STAC: variants seen among roughly 807,000 people sequenced by gnomAD.
STAC encodes SH3 and cysteine rich domain.
In STAC, 43 loss-of-function variants were observed where a neutral mutation model predicts 48.8. The observed-to-expected ratio is 0.88, with a 90% confidence interval of 0.69 to 1.14. STAC has a LOEUF of 1.14. STAC is among the 50% of genes most tolerant of loss of function. The pLI is 0.00. For synonymous variants in STAC, 193 were observed against 179.5 expected (o/e 1.07, Z -0.60); for missense variants, 497 against 504.0 (o/e 0.99, Z 0.13).
intron 2 of STAC, among the ~76,000 whole-genome samples, chr3:36,475,061 A>C (rs567449784): frequency 6.6e-6 from 1 of 151,734 alleles, no homozygotes; most frequent in South Asian, 2.1e-4. Flanking sequence ...ACTCTTTCAA[A>C]CTTAGTTTGA....
At chr3:36,518,461 A>G (rs1329240687) in intron 8 of STAC, among the ~76,000 whole-genome samples, 1 of 152,242 alleles carries the variant, frequency 6.6e-6, no homozygotes, top group Non-Finnish European at 1.5e-5. Flanking sequence ...AGAGAGGAAA[A>G]GAGGGAACTG....
At chr3:36,385,823 T>A (rs987607455) in intron 1 of STAC, among the ~76,000 whole-genome samples, 1 of 152,102 alleles carries the variant, frequency 6.6e-6, no homozygotes, top group African/African-American at 2.4e-5. Context: ...TAGGTAGCAA[T>A]AGTTTTCATT....
At chr3:36,522,442 G>A (rs1404616826) in intron 8 of STAC, among the ~76,000 whole-genome samples, 1 of 152,192 alleles carries the variant, frequency 6.6e-6, no homozygotes, top group Non-Finnish European at 1.5e-5. Context: ...AAAAAATATT[G>A]ATGGGGTAAG....
intron 2 of STAC, among the ~76,000 whole-genome samples, chr3:36,456,323 A>T (rs914860669): frequency 2.0e-5 from 3 of 152,190 alleles, no homozygotes; most frequent in Non-Finnish European, 4.4e-5. Flanking sequence ...GCCTGATGTT[A>T]TCCTAATATT....
chr3:36,388,562 A>C (rs1360122603), intron 1 of STAC, among the ~76,000 whole-genome samples: 1 of 152,000 alleles, frequency 6.6e-6, no homozygotes, highest in African/African-American at 2.4e-5. Context: ...CAACCCTGAG[A>C]ACAGAAAAAT....
intron 1 of STAC, among the ~76,000 whole-genome samples, chr3:36,388,358 G>C (rs1019945817): frequency 2.6e-5 from 4 of 151,182 alleles, no homozygotes; most frequent in Non-Finnish European, 5.9e-5. Flanking sequence ...ATTTCCTATT[G>C]GTTTTAAAAA....
intron 1 of STAC, among the ~76,000 whole-genome samples, chr3:36,386,232 CT>C (rs769912134): frequency 6.6e-6 from 1 of 151,960 alleles, no homozygotes; most frequent in Non-Finnish European, 1.5e-5. Flanking sequence ...GACTAATAAG[CT>C]TAGCAGTTTT....
intron 1 of STAC, among the ~76,000 whole-genome samples, chr3:36,433,425 A>C (rs561990709): frequency 7.2e-5 from 11 of 152,334 alleles, no homozygotes; most frequent in Admixed American, 4.6e-4. Context: ...CAGAGCACTT[A>C]AACAGTTGAA....
intron 10 of STAC, among the ~76,000 whole-genome samples, chr3:36,541,118 C>G (rs1699314572): frequency 1.3e-5 from 2 of 152,068 alleles, no homozygotes; most frequent in South Asian, 2.1e-4. Flanking sequence ...TGCAGCCACT[C>G]CAGGAATCCT....
chr3:36,504,563 C>A, intron 7 of STAC, 106 bp downstream of exon 7: 1 of 865,364 alleles, frequency 1.2e-6, no homozygotes, highest in South Asian at 1.5e-5. Context: ...TCCAGACCAG[C>A]ATCTTTAGAG....
At chr3:36,497,106 G>A (rs772661332) in intron 6 of STAC, among the ~76,000 whole-genome samples, 5 of 152,026 alleles carry the variant, frequency 3.3e-5, no homozygotes, top group Non-Finnish European at 7.4e-5. Context: ...AAATTTTAAG[G>A]TGTCAAAAAG....
At chr3:36,415,386 C>A (rs1700296738) in intron 1 of STAC, among the ~76,000 whole-genome samples, 1 of 152,228 alleles carries the variant, frequency 6.6e-6, no homozygotes, top group South Asian at 2.1e-4. Context: ...CCTCCCCCAG[C>A]CTCGTTGCCA....
chr3:36,528,533 T>A (rs114900185), intron 8 of STAC, among the ~76,000 whole-genome samples, 163 bp from the exon 9 acceptor site: 1 of 152,080 alleles, frequency 6.6e-6, no homozygotes, highest in Admixed American at 6.6e-5. Flanking sequence ...CAATGTGTAA[T>A]ACAGCTATTT....
intron 1 of STAC, among the ~76,000 whole-genome samples, chr3:36,423,433 A>C (rs531018429): frequency 6.6e-6 from 1 of 151,418 alleles, no homozygotes; most frequent in South Asian, 2.1e-4. Context: ...AAATAAATTA[A>C]ATCTCCCGTG....
At position 36,431,382 on chromosome 3, in the gene STAC, G is replaced by A. The variant is rs117529498; in HGVS notation, c.112-11982G>A. On this transcript the variant is annotated intron_variant, in intron 1 of 10. Transcript: ENST00000273183. Reference sequence around the variant, plus strand: ...TGCAGAGTGGGGAGTGGCCACTGCCGCCCGTGTTGGGCTTTATGGCCATGG... The same window carrying A: ...TGCAGAGTGGGGAGTGGCCACTGCCACCCGTGTTGGGCTTTATGGCCATGG... Among the ~76,000 whole-genome samples the A allele has an allele frequency of 0.018, 2,706 of 152,196 alleles. 148 individuals carry two copies. In the East Asian group the frequency reaches 0.22, roughly 12 times the overall value.
chr3:36,431,671 G>A (rs985597248), intron 1 of STAC, among the ~76,000 whole-genome samples: 1 of 152,072 alleles, frequency 6.6e-6, no homozygotes, highest in Non-Finnish European at 1.5e-5. Context: ...TGAAGAATTT[G>A]AGGAGGAAAA....
rs746240604 is a variant in STAC, at chr3:36,546,236, C to A, written c.1156C>A (p.Leu386Ile). 2 of 1,613,894 alleles carry A rather than the reference C, an allele frequency of 1.2e-6. No homozygotes were observed. The highest frequency in any genetic ancestry group is 2.2e-5 in the South Asian group (2 of 91,082). The change falls in exon 11 of 11, where the codon CTC (leucine) becomes ATC (isoleucine). Residue 386 changes from leucine to isoleucine, a missense_variant. Physicochemically the swap from Leu to Ile is conservative, Grantham distance 5. Transcript: ENST00000273183. Reference protein sequence around the residue: ...EEEQDGFIRVLSGKKKGLIPL... With the variant: ...EEEQDGFIRVISGKKKGLIPL... ...AGAACAAGATGGTTTTATCAGAGTC[C>A]TCAGTGGAAAAAAGAAAGGCCTCAT...
At chr3:36,442,116 GCAT>G in intron 1 of STAC, among the ~76,000 whole-genome samples, 1 of 152,172 alleles carries the variant, frequency 6.6e-6, no homozygotes, top group Non-Finnish European at 1.5e-5. Flanking sequence ...GCCTGGATCT[GCAT>G]GATCCATTGA....
At chr3:36,426,040 AAAAAC>A (rs371899613) in intron 1 of STAC, among the ~76,000 whole-genome samples, 3,494 of 151,986 alleles carry the variant, frequency 0.023, 60 homozygotes, top group Non-Finnish European at 0.025. Context: ...TCAAAAAACA[AAAAAC>A]AAAACAAAAC....
Sources: gnomAD v4.1 joint callset for allele counts (sites outside exome capture counted in the v4.1 genomes callset) on GRCh38, gnomAD v4.1.1 for gene constraint, MANE v1.5 for transcripts, NCBI Gene and HGNC (gene_info 2026-07-23, HGNC 2026-07-21) for gene names.